Variants in SLC6A20 observed in about 807,000 individuals in gnomAD.
SLC6A20 encodes the protein sodium- and chloride-dependent transporter XTRP3.
A neutral mutation model predicts 64.3 loss-of-function variants in SLC6A20; 73 were observed. The observed-to-expected ratio is 1.14, with a 90% CI of 0.94 to 1.38. SLC6A20 has a LOEUF of 1.38. Among genes scored for constraint, SLC6A20 ranks in the 40% most tolerant of loss-of-function variants. The probability of loss-of-function intolerance (pLI) is 0.00; values close to 1 mark genes in which losing one functional copy is unlikely to be tolerated. For missense variants in SLC6A20, 725 were observed against 772.8 expected (o/e 0.94, Z 0.73); for synonymous variants, 347 against 329.6 (o/e 1.05, Z -0.57).
At chr3:45,784,280 T>C (rs1700139934) in intron 1 of SLC6A20, among the ~76,000 whole-genome samples, 1 of 152,252 alleles carries the variant, frequency 6.6e-6, no homozygotes, top group South Asian at 2.1e-4. Flanking sequence ...GAAATGATGC[T>C]AGAACAATTG....
rs370196870 is a variant in SLC6A20, at chr3:45,759,951, A to G, written c.1535T>C (p.Val512Ala). Residue 512 changes from valine to alanine, a missense_variant, in exon 10 of 11, where the codon GTA becomes GCA. Transcript: ENST00000358525. The part of the protein sequence containing the change: ...SWYWKVMWAG[V>A]SPLLIVSLFV... ...GAGGCTGACAATCAGCAGTGGGCTT[A>G]CGCCAGCCCACATCACCTTCCAGTA... 51 of 1,614,066 alleles carry G rather than the reference A, an allele frequency of 3.2e-5. No homozygotes were observed. Among genetic ancestry groups the G allele is most frequent in the Non-Finnish European group, 4.3e-5 (51 of 1,180,024 alleles).
intron 1 of SLC6A20, among the ~76,000 whole-genome samples, chr3:45,785,226 GT>G (rs1700151284): frequency 6.6e-6 from 1 of 152,178 alleles, no homozygotes; most frequent in Admixed American, 6.5e-5. Context: ...GATTTTGGTG[GT>G]AGTTGTGATG....
Position 45,765,474 on chromosome 3 carries a change from C to G in SLC6A20, c.1303+63G>C. The stretch of plus-strand genomic sequence containing the variant: ...CCATGACCCCTGAGGGAGCTCTCCC[C>G]TGTTCACCCCCACGCCTTGGCCCTC... On this transcript the variant is annotated intron_variant, in intron 8 of 10. Coordinates refer to ENST00000358525, the MANE Select transcript of SLC6A20 (RefSeq NM_020208.4). This position sits in a 1 kb window ranked among gnomAD's most constrained non-coding sequence, Gnocchi z 4.2. The G allele has an allele frequency of 6.5e-7, 1 of 1,546,206 alleles. No individual in the cohort carries two copies. Among genetic ancestry groups the G allele is most frequent in the Non-Finnish European group, 8.8e-7 (1 of 1,142,428 alleles).
intron 1 of SLC6A20, 24 bp from the exon 2 acceptor site, chr3:45,782,247 C>A (rs745937044): frequency 2.1e-5 from 33 of 1,598,298 alleles, no homozygotes; most frequent in Non-Finnish European, 2.7e-5. Context: ...GAGCTGAGAG[C>A]CAGGCCACCA....
intron 5 of SLC6A20, chr3:45,771,751 G>A (rs1387153620): frequency 5.9e-6 from 3 of 508,140 alleles, no homozygotes; most frequent in Non-Finnish European, 1.1e-5. Context: ...CATAGGAGGT[G>A]TGTAACCAGA....
In SLC6A20 at chr3:45,758,755, C is replaced by G. The variant is rs897696517; in HGVS notation, c.*223G>C. 23 of 1,321,114 alleles carry G rather than the reference C, an allele frequency of 1.7e-5. No homozygotes were observed. The highest frequency in any genetic ancestry group is 7.6e-5 in the African/African-American group (5 of 65,880). 81.8% of individuals were successfully genotyped at this position (1,321,114 alleles called of 1,614,324 possible). On this transcript the variant is annotated 3_prime_UTR_variant, in exon 11 of 11. Coordinates refer to ENST00000358525, the MANE Select transcript of SLC6A20 (RefSeq NM_020208.4). Reference sequence around the variant, plus strand: ...TGAGACCGGCTTTCATAGCCCACCCCCTTCCATGATGAGGAGGCAGGTGAC... The same window carrying G: ...TGAGACCGGCTTTCATAGCCCACCCGCTTCCATGATGAGGAGGCAGGTGAC...
intron 6 of SLC6A20, 66 bp downstream of exon 6, chr3:45,771,140 CCCCAGCCCTTG>C: frequency 6.3e-7 from 1 of 1,590,906 alleles, no homozygotes; most frequent in Non-Finnish European, 8.6e-7. Flanking sequence ...GTGCACTTTG[CCCCAGCCCTTG>C]CCCAGGCGAC....
At chr3:45,778,555 C>A (rs745570744) in intron 3 of SLC6A20, among the ~76,000 whole-genome samples, 4 of 152,172 alleles carry the variant, frequency 2.6e-5, no homozygotes, top group Non-Finnish European at 4.4e-5. Flanking sequence ...TTTCTTGAGG[C>A]ACTTTATTTT....
chr3:45,775,917 C>T lies in SLC6A20; in HGVS notation c.426G>A (p.Ala142=), dbSNP rs778367770. The T allele has an allele frequency of 8.2e-5, 133 of 1,614,094 alleles. No individual in the cohort carries two copies. In the East Asian group the frequency reaches 2.1e-3, roughly 25 times the overall value. ...HTGYDEECEK[A]SSTQYFWYRK... is the part of the protein sequence containing the mutation. ...TGTACCAGAAGTACTGTGTGGAGGA[C>T]GCCTTCTCACACTCCTCATCGTAGC... is the stretch of plus-strand genomic sequence containing the variant. Residue 142 remains alanine, a synonymous_variant, in exon 4 of 11, where the codon GCG becomes GCA. Transcript: ENST00000358525.
At chr3:45,786,698 G>T (rs893470005) in intron 1 of SLC6A20, among the ~76,000 whole-genome samples, 1 of 152,176 alleles carries the variant, frequency 6.6e-6, no homozygotes, top group Non-Finnish European at 1.5e-5. Context: ...AGTAGTTTTG[G>T]CATCCAGTGA....
chr3:45,760,432 C>T (rs1398417897), intron 9 of SLC6A20, among the ~76,000 whole-genome samples: 2 of 151,974 alleles, frequency 1.3e-5, no homozygotes, highest in Non-Finnish European at 2.9e-5. Flanking sequence ...ACCCAGCCCG[C>T]CCCTGTCAAT....
chr3:45,759,262 C>T (rs1699618369), intron 10 of SLC6A20, 135 bp from the exon 11 acceptor site: 3 of 898,530 alleles, frequency 3.3e-6, no homozygotes, highest in Non-Finnish European at 1.6e-6. Flanking sequence ...CTCCTGGGGC[C>T]ACGGGCTCTG....
At chr3:45,792,695 C>G (rs912629359) in intron 1 of SLC6A20, among the ~76,000 whole-genome samples, 1 of 152,218 alleles carries the variant, frequency 6.6e-6, no homozygotes, top group Non-Finnish European at 1.5e-5. Flanking sequence ...CAGCTCCAGG[C>G]CGGCTCACAA....
chr3:45,788,641 TA>T (rs1327904760), intron 1 of SLC6A20, among the ~76,000 whole-genome samples: 3 of 152,168 alleles, frequency 2.0e-5, no homozygotes, highest in Non-Finnish European at 2.9e-5. Flanking sequence ...TAATAACTAA[TA>T]AAAAATAAAA....
chr3:45,765,896 C>T lies in SLC6A20; in HGVS notation c.1099-155G>A. The T allele has an allele frequency of 1.3e-6, 1 of 757,554 alleles. No individual in the cohort carries two copies. The highest frequency in any genetic ancestry group is 2.1e-6 in the Non-Finnish European group (1 of 474,412). 46.9% of individuals were successfully genotyped at this position (757,554 alleles called of 1,614,324 possible). A position where few individuals can be genotyped will look rare whatever the true frequency, so the allele number is the denominator to read the frequency against. Reference sequence around the variant, plus strand: ...CATCTGCAGATCAACCCCTTACACTCAGCTGGGCTGAAACGAAATGGGAGC... The same window carrying T: ...CATCTGCAGATCAACCCCTTACACTTAGCTGGGCTGAAACGAAATGGGAGC... On this transcript the variant is annotated intron_variant, in intron 7 of 10. Transcript: ENST00000358525. This position sits in a 1 kb window ranked among gnomAD's most constrained non-coding sequence, Gnocchi z 4.2.
At chr3:45,770,715 C>T (rs1699848492) in intron 6 of SLC6A20, among the ~76,000 whole-genome samples, 1 of 152,220 alleles carries the variant, frequency 6.6e-6, no homozygotes, top group Admixed American at 6.5e-5. Context: ...CACTGAGCAA[C>T]TGATTGAAAG....
intron 7 of SLC6A20, among the ~76,000 whole-genome samples, chr3:45,766,911 G>C (rs1321613512): frequency 2.0e-5 from 3 of 152,354 alleles, no homozygotes; most frequent in South Asian, 2.1e-4. Context: ...GCTTAGGTGG[G>C]AGGATCACTT....
At chr3:45,789,884 AC>A (rs754012409) in intron 1 of SLC6A20, among the ~76,000 whole-genome samples, 3 of 152,096 alleles carry the variant, frequency 2.0e-5, no homozygotes, top group Non-Finnish European at 4.4e-5. Context: ...GAGCCTCCAC[AC>A]CCGGCCCTTT....
chr3:45,788,598 T>C (rs867302319), intron 1 of SLC6A20, among the ~76,000 whole-genome samples: 1 of 152,320 alleles, frequency 6.6e-6, no homozygotes, highest in South Asian at 2.1e-4. Context: ...TAATACCATA[T>C]AAATTTATGT....
Sources: allele counts gnomAD v4.1 joint callset (sites outside exome capture counted in the v4.1 genomes callset), GRCh38; gene constraint gnomAD v4.1.1; non-coding constraint Gnocchi (gnomAD v3.1); transcripts MANE v1.5; gene names NCBI Gene and HGNC (gene_info 2026-07-23, HGNC 2026-07-21).